VSNL1: variants seen among roughly 807,000 people sequenced by gnomAD.
The protein encoded by VSNL1 is visinin like 1.
Under a neutral mutation model 20.4 loss-of-function variants are expected in VSNL1, and 6 were observed. That is an observed-to-expected ratio of 0.29 (90% CI 0.16 to 0.58). The LOEUF (loss-of-function observed/expected upper bound fraction) is 0.58, where lower values mean the gene tolerates loss of function less well. Ranked by LOEUF, VSNL1 falls within the 20% of genes least tolerant of loss-of-function variation. The probability of loss-of-function intolerance (pLI) is 0.90; values close to 1 mark genes in which losing one functional copy is unlikely to be tolerated. For synonymous variants in VSNL1, 93 were observed against 86.4 expected, an observed-to-expected ratio of 1.08 and a Z score of -0.42; for missense variants, 100 against 234.5, an observed-to-expected ratio of 0.43 and a Z score of 3.75.
At chr2:17,624,620 C>CA (rs1471148529) in intron 2 of VSNL1, among the ~76,000 whole-genome samples, 1 of 152,048 alleles carries the variant, frequency 6.6e-6, no homozygotes, top group Non-Finnish European at 1.5e-5. Context: ...CGTCTGCCAC[C>CA]ACTGCTTTTG....
At chr2:17,596,776 A>G (rs1664720298) in intron 2 of VSNL1, among the ~76,000 whole-genome samples, 1 of 143,182 alleles carries the variant, frequency 7.0e-6, no homozygotes, top group Non-Finnish European at 1.5e-5. Context: ...GACAGATGTG[A>G]GAGTCATTCC....
rs147975746 is a variant in VSNL1 at position 17,645,199 on chromosome 2, A to C, written c.163-4211A>C. The stretch of plus-strand genomic sequence containing the variant: ...AGCTGGGCCTTGGGCAGAGCCCTGG[A>C]GAGAGGCATCCTCCGAAGTAGCCTT... On this transcript the variant is annotated intron_variant, in intron 2 of 3. Coordinates refer to ENST00000295156, the MANE Select transcript of VSNL1 (RefSeq NM_003385.5). Among the ~76,000 whole-genome samples the C allele has an allele frequency of 3.5e-3, 528 of 152,376 alleles. 2 individuals are homozygous for C. Among genetic ancestry groups the C allele is most frequent in the African/African-American group, 0.012 (513 of 41,598 alleles).
chr2:17,594,561 G>A (rs3860055), intron 2 of VSNL1, among the ~76,000 whole-genome samples: 16,758 of 152,190 alleles, frequency 0.11, 1,197 homozygotes, highest in African/African-American at 0.2. Flanking sequence ...AGCAAGACAC[G>A]GTCATTATCC....
intron 1 of VSNL1, among the ~76,000 whole-genome samples, chr2:17,542,359 G>A (rs72785714): frequency 1.9e-4 from 29 of 152,188 alleles, no homozygotes; most frequent in Non-Finnish European, 4.0e-4. Flanking sequence ...AGAAAGATGA[G>A]AAAAAAGCAT....
chr2:17,655,467 ACAC>A lies in VSNL1; in HGVS notation c.*74_*76del. The A allele has an allele frequency of 1.1e-6, 1 of 908,928 alleles. No individual in the cohort carries two copies. 56.3% of individuals were successfully genotyped at this position (908,928 alleles called of 1,614,324 possible). On this transcript the variant is annotated 3_prime_UTR_variant, in exon 4 of 4. Coordinates refer to ENST00000295156, the MANE Select transcript of VSNL1 (RefSeq NM_003385.5). This position sits in a 1 kb window ranked among gnomAD's most constrained non-coding sequence, Gnocchi z 5.2. ...AGTCTGCAGCTATTCACACACACAC[ACAC>A]ACACACACACACACACACACACACA...
At chr2:17,636,781 T>G (rs1433293002) in intron 2 of VSNL1, among the ~76,000 whole-genome samples, 1 of 152,198 alleles carries the variant, frequency 6.6e-6, no homozygotes, top group Non-Finnish European at 1.5e-5. Flanking sequence ...CTTATGTGAT[T>G]GGCATTTGTG....
At chr2:17,565,733 A>G (rs1174690194) in intron 1 of VSNL1, among the ~76,000 whole-genome samples, 1 of 152,244 alleles carries the variant, frequency 6.6e-6, no homozygotes, top group Non-Finnish European at 1.5e-5. Flanking sequence ...TTCATTTATT[A>G]TAACTACTAT....
intron 1 of VSNL1, among the ~76,000 whole-genome samples, chr2:17,570,185 G>A (rs372557544): frequency 6.6e-6 from 1 of 152,192 alleles, no homozygotes; most frequent in East Asian, 1.9e-4. Flanking sequence ...TTTTTTAAGG[G>A]GGACATTGTT....
intron 2 of VSNL1, among the ~76,000 whole-genome samples, chr2:17,616,960 G>C (rs1665232187): frequency 6.6e-6 from 1 of 151,926 alleles, no homozygotes; most frequent in South Asian, 2.1e-4. Context: ...GGCCTCCTTT[G>C]ACACCCACTC....
intron 2 of VSNL1, among the ~76,000 whole-genome samples, chr2:17,593,536 G>C (rs1664643635): frequency 6.6e-6 from 1 of 152,178 alleles, no homozygotes; most frequent in Non-Finnish European, 1.5e-5. Context: ...AAGTGGGGAA[G>C]ACCAAGGGAT....
At chr2:17,551,930 G>A (rs1663547407) in intron 1 of VSNL1, among the ~76,000 whole-genome samples, 1 of 149,490 alleles carries the variant, frequency 6.7e-6, no homozygotes, top group South Asian at 2.1e-4. Flanking sequence ...CAGGCGTGGT[G>A]GCTCACCCCT....
chr2:17,613,652 G>T (rs1396638164), intron 2 of VSNL1, among the ~76,000 whole-genome samples: 2 of 152,168 alleles, frequency 1.3e-5, no homozygotes, highest in Admixed American at 1.3e-4. Flanking sequence ...ATTACGCCCA[G>T]ATTTCTTCCT....
At chr2:17,576,673 T>C (rs903392268) in intron 1 of VSNL1, among the ~76,000 whole-genome samples, 1 of 152,228 alleles carries the variant, frequency 6.6e-6, no homozygotes, top group African/African-American at 2.4e-5. Flanking sequence ...TGTTGTTATT[T>C]TTACTTTTTC....
At chr2:17,543,193 T>C (rs1228755444) in intron 1 of VSNL1, among the ~76,000 whole-genome samples, 1 of 152,198 alleles carries the variant, frequency 6.6e-6, no homozygotes, top group African/African-American at 2.4e-5. Context: ...CCCCACCTCT[T>C]TGGATGTTTA....
chr2:17,640,706 T>C (rs1490591000), intron 2 of VSNL1, among the ~76,000 whole-genome samples: 1 of 152,222 alleles, frequency 6.6e-6, no homozygotes. Flanking sequence ...CTTTTATTTT[T>C]ATTGACACAT....
intron 2 of VSNL1, among the ~76,000 whole-genome samples, chr2:17,642,498 C>G (rs902677173): frequency 6.6e-6 from 1 of 151,872 alleles, no homozygotes; most frequent in Non-Finnish European, 1.5e-5. Context: ...TTAGTAGAGA[C>G]AGGGTTTCAC....
chr2:17,580,443 T>C (rs1254991160), intron 1 of VSNL1, among the ~76,000 whole-genome samples: 1 of 152,100 alleles, frequency 6.6e-6, no homozygotes, highest in Non-Finnish European at 1.5e-5. Flanking sequence ...CTCAGGAAGT[T>C]TTCCAAGCCT....
At chr2:17,570,936 G>T (rs1415826992) in intron 1 of VSNL1, among the ~76,000 whole-genome samples, 1 of 152,036 alleles carries the variant, frequency 6.6e-6, no homozygotes, top group African/African-American at 2.4e-5. Context: ...TGGGAGGCTG[G>T]AGTCGCTTGA....
At chr2:17,590,024 T>C (rs1664564065) in intron 1 of VSNL1, among the ~76,000 whole-genome samples, 2 of 152,192 alleles carry the variant, frequency 1.3e-5, no homozygotes, top group Non-Finnish European at 2.9e-5. Flanking sequence ...AGATCCAGGT[T>C]CAAATTCTAG....
Sources: allele counts gnomAD v4.1 joint callset (sites outside exome capture counted in the v4.1 genomes callset), GRCh38; gene constraint gnomAD v4.1.1; non-coding constraint Gnocchi (gnomAD v3.1); transcripts MANE v1.5; gene names NCBI Gene and HGNC (gene_info 2026-07-23, HGNC 2026-07-21).